The following WDR64 variants were observed in gnomAD, a reference collection of about 807,000 sequenced individuals.
The protein encoded by WDR64 is WD repeat-containing protein 64.
Under a neutral mutation model 139.3 loss-of-function variants are expected in WDR64, and 112 were observed. That is an observed-to-expected ratio of 0.80 (90% CI 0.69 to 0.94). The LOEUF (loss-of-function observed/expected upper bound fraction) is 0.94. WDR64 is among the 40% of genes least tolerant of loss of function. WDR64 has a pLI of 0.00. For missense variants in WDR64, 1,206 were observed against 1,293.1 expected, an observed-to-expected ratio of 0.93 and a Z score of 1.03; for synonymous variants, 444 against 437.7, an observed-to-expected ratio of 1.01 and a Z score of -0.18.
intron 21 of WDR64, among the ~76,000 whole-genome samples, chr1:241,776,534 T>G (rs1446414640): frequency 6.6e-6 from 1 of 152,320 alleles, no homozygotes; most frequent in Non-Finnish European, 1.5e-5. Flanking sequence ...TGGAGTTTTT[T>G]GGGTTTTGTT....
chr1:241,801,294 G>A lies in WDR64; in HGVS notation c.*79G>A, dbSNP rs1194877409. ...ACCTGCTCTTTATTTCAGGATGAGAGGGAGAAACCACCAGACACTATCAGT... is the reference window on the plus strand; with the variant it reads ...ACCTGCTCTTTATTTCAGGATGAGAAGGAGAAACCACCAGACACTATCAGT... On this transcript the variant is annotated 3_prime_UTR_variant, in exon 28 of 28. Coordinates refer to ENST00000437684, the MANE Select transcript of WDR64 (RefSeq NM_001367482.1). 2 of 1,257,924 alleles carry A rather than the reference G, an allele frequency of 1.6e-6. No homozygotes were observed. The highest frequency in any genetic ancestry group is 1.5e-5 in the African/African-American group (1 of 67,338). The allele number at this position is 1,257,924 out of a possible 1,614,324, so 77.9% of individuals were successfully genotyped here.
In WDR64 at chr1:241,757,432, T is replaced by C. The variant is rs1377427155; in HGVS notation, c.1920T>C (p.Val640=). 1.2e-6 allele frequency: 2 copies of C among 1,612,710 alleles called. No homozygotes were observed. The highest frequency in any genetic ancestry group is 1.7e-6 in the Non-Finnish European group (2 of 1,179,590). Reference sequence around the variant, plus strand: ...CTTTCCCAGATGTCGAGTTGATAGTTGAGAGGAACTTTTCTCAACCTACTG... The same window carrying C: ...CTTTCCCAGATGTCGAGTTGATAGTCGAGAGGAACTTTTCTCAACCTACTG... ...AIPFPDVELI[V]ERNFSQPTDN... is the part of the protein sequence containing the mutation. Residue 640 remains valine, a synonymous_variant, in exon 15 of 28, where the codon GTT becomes GTC. Transcript: ENST00000437684.
At chr1:241,732,177 GAA>G (rs1345968857) in intron 10 of WDR64, among the ~76,000 whole-genome samples, 3 of 152,108 alleles carry the variant, frequency 2.0e-5, no homozygotes, top group Non-Finnish European at 4.4e-5. Context: ...AGAAAATGGT[GAA>G]TTCCCCAGAC....
At chr1:241,762,050 T>G (rs1657930662) in intron 15 of WDR64, among the ~76,000 whole-genome samples, 2 of 152,234 alleles carry the variant, frequency 1.3e-5, no homozygotes, top group Non-Finnish European at 2.9e-5. Context: ...GCATCTAGAA[T>G]AGTGAATTCT....
chr1:241,716,183 G>A (rs1268732826), intron 9 of WDR64, among the ~76,000 whole-genome samples: 1 of 151,666 alleles, frequency 6.6e-6, no homozygotes, highest in African/African-American at 2.4e-5. Context: ...TGTACCCGCT[G>A]ACGACTCAAA....
chr1:241,799,737 G>C (rs1042537788), intron 27 of WDR64, among the ~76,000 whole-genome samples: 4 of 152,064 alleles, frequency 2.6e-5, no homozygotes, highest in African/African-American at 9.7e-5. Flanking sequence ...TTCAGTGATG[G>C]GTGAGCTGCT....
intron 10 of WDR64, among the ~76,000 whole-genome samples, chr1:241,735,533 C>CTTTTTTTTTTTT (rs58339742): frequency 6.8e-5 from 7 of 103,512 alleles, no homozygotes; most frequent in African/African-American, 2.7e-4. Context: ...CTCTCTCTCT[C>CTTTTTTTTTTTT]TTTTTTTTTT....
At chr1:241,797,258 A>G (rs1274529851) in intron 27 of WDR64, among the ~76,000 whole-genome samples, 1 of 152,200 alleles carries the variant, frequency 6.6e-6, no homozygotes, top group African/African-American at 2.4e-5. Context: ...CATACAAATG[A>G]AGTGATAAGC....
At position 241,683,864 on chromosome 1, in the gene WDR64, T is replaced by TACACACACACACACAC. The variant is rs11473073; in HGVS notation, c.839+181_839+196dup. On this transcript the variant is annotated intron_variant, in intron 7 of 27. Transcript: ENST00000437684. ...ATTAATTATAGTCATTGTTCATGTATACACACACACACACACACACACACA... is the reference window on the plus strand; with the variant it reads ...ATTAATTATAGTCATTGTTCATGTATACACACACACACACACACACACACACACACACACACACACA... Among the ~76,000 whole-genome samples the TACACACACACACACAC allele has an allele frequency of 1.6e-3, 227 of 145,556 alleles. 2 individuals carry two copies. In the East Asian group the frequency reaches 0.026, roughly 17 times the overall value.
chr1:241,777,779 G>T lies in WDR64; in HGVS notation c.2537-2225G>T, dbSNP rs188892626. On this transcript the variant is annotated intron_variant, in intron 21 of 27. Transcript: ENST00000437684. The stretch of plus-strand genomic sequence containing the variant: ...CTTGAGATTTATTCTTTGACCCAAA[G>T]AATTTATAAATATTCTACCTAATCT... Among the ~76,000 whole-genome samples the T allele has an allele frequency of 3.8e-3, 573 of 152,198 alleles. 4 individuals are homozygous for T. Among genetic ancestry groups the T allele is most frequent in the African/African-American group, 0.013 (548 of 41,530 alleles).
chr1:241,687,366 C>A, intron 7 of WDR64, 95 bp from the exon 8 acceptor site: 7 of 1,324,458 alleles, frequency 5.3e-6, no homozygotes, highest in Non-Finnish European at 6.3e-6. Context: ...GGGTTTAGTA[C>A]AATTCAGTTA....
chr1:241,719,756 T>C (rs1381541586), intron 9 of WDR64, among the ~76,000 whole-genome samples: 1 of 152,182 alleles, frequency 6.6e-6, no homozygotes, highest in East Asian at 1.9e-4. Flanking sequence ...TCAGATTAAC[T>C]AGAATTACTA....
intron 13 of WDR64, among the ~76,000 whole-genome samples, chr1:241,748,240 T>C (rs1460943342): frequency 6.6e-6 from 1 of 152,170 alleles, no homozygotes; most frequent in African/African-American, 2.4e-5. Flanking sequence ...TGAGGGGAGA[T>C]AGGAAAACCT....
At chr1:241,749,452 A>G in intron 13 of WDR64, 95 bp from the exon 14 acceptor site, 1 of 1,411,376 alleles carries the variant, frequency 7.1e-7, no homozygotes. Flanking sequence ...AATTGTTGGC[A>G]GAAAGCTTTC....
rs1160908775 is a variant in WDR64 at position 241,652,630 on chromosome 1, G to T, written c.145+1G>T. Reference sequence around the variant, plus strand: ...GCAGGCTTATTTATCCATAAAGAAGGTAAGATCAGTGATTACACGATAGTC... The same window carrying T: ...GCAGGCTTATTTATCCATAAAGAAGTTAAGATCAGTGATTACACGATAGTC... On this transcript the variant is annotated splice_donor_variant, in intron 1 of 27. Transcript: ENST00000437684. LOFTEE classifies it high-confidence loss of function. 18 of 1,551,528 alleles carry T rather than the reference G, an allele frequency of 1.2e-5. No homozygotes were observed. Among genetic ancestry groups the T allele is most frequent in the South Asian group, 2.4e-5 (2 of 84,026 alleles).
chr1:241,696,328 T>C (rs892098116), intron 8 of WDR64, among the ~76,000 whole-genome samples: 1 of 151,842 alleles, frequency 6.6e-6, no homozygotes, highest in Admixed American at 6.6e-5. Context: ...ATCTTTGTTA[T>C]TGGAAAGGGA....
intron 9 of WDR64, among the ~76,000 whole-genome samples, chr1:241,717,837 C>G (rs1363931634): frequency 6.6e-6 from 1 of 152,078 alleles, no homozygotes; most frequent in Admixed American, 6.6e-5. Context: ...ATCAGTTCCT[C>G]TCCCCTAAAT....
At chr1:241,787,757 C>A in intron 23 of WDR64, 92 bp from the exon 24 acceptor site, 1 of 1,079,560 alleles carries the variant, frequency 9.3e-7, no homozygotes, top group Non-Finnish European at 1.3e-6. Context: ...CTTGATGGAC[C>A]AGCGCTAATT....
intron 19 of WDR64, 146 bp downstream of exon 19, chr1:241,771,843 T>A: frequency 3.1e-6 from 1 of 321,252 alleles, no homozygotes; most frequent in Non-Finnish European, 5.2e-6. Context: ...TATATATTCA[T>A]TATATACGTA....
Sources: allele counts gnomAD v4.1 joint callset (sites outside exome capture counted in the v4.1 genomes callset), GRCh38; gene constraint gnomAD v4.1.1; transcripts MANE v1.5; gene names NCBI Gene and HGNC (gene_info 2026-07-23, HGNC 2026-07-21).